LRFN5: variants seen among roughly 807,000 people sequenced by gnomAD.
LRFN5 encodes leucine rich repeat and fibronectin type III domain containing 5.
LRFN5 carries 24 observed loss-of-function variants against 45.6 expected under a neutral mutation model. The observed-to-expected ratio is 0.53, with a 90% confidence interval of 0.38 to 0.74. The LOEUF is 0.74. LRFN5 is among the 30% of genes least tolerant of loss of function. LRFN5 has a pLI of 0.00. For synonymous variants in LRFN5, 340 were observed against 313.8 expected, an observed-to-expected ratio of 1.08 and a Z score of -0.88; for missense variants, 776 against 861.5, an observed-to-expected ratio of 0.90 and a Z score of 1.24.
Position 41,887,084 on chromosome 14 carries a change from T to C in LRFN5, c.459T>C (p.Asp153=). The change falls in exon 3 of 6, where the codon GAT becomes GAC. Residue 153 remains aspartate (D), a synonymous_variant. Transcript: ENST00000298119. This position sits in a 1 kb window ranked among gnomAD's most constrained non-coding sequence, Gnocchi z 4.8. ...FDDVFALEEL[D]LSYNNLETIP... ...ATGTCTTCGCCCTTGAGGAGCTGGA[T>C]CTGTCCTATAATAATCTAGAAACCA... 1 of 1,614,036 alleles carries C rather than the reference T, an allele frequency of 6.2e-7. No homozygotes were observed. The highest frequency in any genetic ancestry group is 8.5e-7 in the Non-Finnish European group (1 of 1,180,024).
At chr14:41,717,857 T>A (rs1455202046) in intron 1 of LRFN5, among the ~76,000 whole-genome samples, 8 of 152,138 alleles carry the variant, frequency 5.3e-5, no homozygotes, top group Non-Finnish European at 1.2e-4. Flanking sequence ...CTTATTTATT[T>A]TAGAAAAGGG....
At chr14:41,676,831 C>T (rs980244063) in intron 1 of LRFN5, among the ~76,000 whole-genome samples, 3 of 152,194 alleles carry the variant, frequency 2.0e-5, no homozygotes, top group Admixed American at 6.5e-5. Context: ...TTTAAAATAT[C>T]ATCACAGACA....
intron 1 of LRFN5, among the ~76,000 whole-genome samples, chr14:41,682,484 G>T (rs1881946238): frequency 6.6e-6 from 1 of 151,764 alleles, no homozygotes; most frequent in African/African-American, 2.4e-5. Flanking sequence ...GATCAGAGCA[G>T]AAATAAATGA....
At chr14:41,896,524 C>G (rs1377723109) in intron 4 of LRFN5, among the ~76,000 whole-genome samples, 1 of 152,118 alleles carries the variant, frequency 6.6e-6, no homozygotes, top group Non-Finnish European at 1.5e-5. Context: ...AATAATAACA[C>G]TGTACCTTAC....
At chr14:41,650,896 A>AGAGAGAGAGAGGGAGGGAGG (rs750337266) in intron 1 of LRFN5, among the ~76,000 whole-genome samples, 1 of 80,910 alleles carries the variant, frequency 1.2e-5, no homozygotes, top group East Asian at 3.4e-4. Context: ...AGAGAGAGAG[A>AGAGAGAGAGAGGGAGGGAGG]GAGGGAGGGA....
intron 1 of LRFN5, among the ~76,000 whole-genome samples, chr14:41,670,217 A>G (rs200934072): frequency 0.012 from 1,090 of 88,376 alleles, 7 homozygotes; most frequent in East Asian, 0.031. Context: ...GTGTGTGTGT[A>G]TATATATGTA....
At chr14:41,734,598 CT>C (rs143405635) in intron 1 of LRFN5, among the ~76,000 whole-genome samples, 2 of 148,352 alleles carry the variant, frequency 1.3e-5, no homozygotes, top group Admixed American at 6.8e-5. Context: ...GGAGTCTTGT[CT>C]TTTTTTTTAA....
In LRFN5 at chr14:41,887,129, G is replaced by A. The variant is rs1890602343; in HGVS notation, c.504G>A (p.Glu168=). ...NLETIPWDAV[E]KMVSLHTLSL... ...AAACCATTCCTTGGGATGCTGTTGA[G>A]AAGATGGTTAGCTTGCATACCCTTA... Residue 168 remains glutamate, a synonymous_variant, in exon 3 of 6, where the codon GAG becomes GAA. Coordinates refer to ENST00000298119, the MANE Select transcript of LRFN5 (RefSeq NM_152447.5). The surrounding 1 kb of genome is among the most constrained non-coding windows in gnomAD (Gnocchi z 4.8). 1.9e-6 allele frequency: 3 copies of A among 1,613,922 alleles called. No homozygotes were observed. The African/African-American group carries it at 4.0e-5, about 22-fold the overall frequency.
intron 2 of LRFN5, among the ~76,000 whole-genome samples, chr14:41,797,643 T>C (rs1358307261): frequency 1.3e-5 from 2 of 151,602 alleles, no homozygotes; most frequent in African/African-American, 2.4e-5. Context: ...ATTTAAATTA[T>C]ATTATATAAA....
chr14:41,724,967 T>C (rs73305587), intron 1 of LRFN5, among the ~76,000 whole-genome samples: 6,817 of 152,258 alleles, frequency 0.045, 339 homozygotes, highest in African/African-American at 0.12. Context: ...TGTCAGATTA[T>C]CCTTTTTTTT....
At chr14:41,722,037 A>G (rs1883737414) in intron 1 of LRFN5, among the ~76,000 whole-genome samples, 1 of 152,016 alleles carries the variant, frequency 6.6e-6, no homozygotes, top group Non-Finnish European at 1.5e-5. Context: ...ACATAATTCT[A>G]TATTTTTTGA....
intron 1 of LRFN5, among the ~76,000 whole-genome samples, chr14:41,756,830 G>C (rs920614510): frequency 6.6e-6 from 1 of 152,022 alleles, no homozygotes; most frequent in African/African-American, 2.4e-5. Context: ...GAGGAGAGGT[G>C]CTCTGATTTT....
chr14:41,822,308 T>A (rs1161177540), intron 2 of LRFN5, among the ~76,000 whole-genome samples: 1 of 152,054 alleles, frequency 6.6e-6, no homozygotes, highest in African/African-American at 2.4e-5. Flanking sequence ...CTATAAACTC[T>A]TAGCACTGTT....
intron 1 of LRFN5, among the ~76,000 whole-genome samples, chr14:41,753,464 CT>C (rs1885230068): frequency 6.6e-6 from 1 of 152,016 alleles, no homozygotes; most frequent in African/African-American, 2.4e-5. Flanking sequence ...TGTAGTTCTC[CT>C]TGAAGAGGTC....
At chr14:41,744,487 G>A (rs1326311693) in intron 1 of LRFN5, among the ~76,000 whole-genome samples, 1 of 152,062 alleles carries the variant, frequency 6.6e-6, no homozygotes, top group African/African-American at 2.4e-5. Flanking sequence ...TAATATATAT[G>A]GAAAACAAAT....
chr14:41,674,819 G>C (rs563400860), intron 1 of LRFN5, among the ~76,000 whole-genome samples: 6 of 150,846 alleles, frequency 4.0e-5, no homozygotes, highest in Non-Finnish European at 5.9e-5. Context: ...GGCGGCTGCC[G>C]GGAGGAGGGG....
intron 4 of LRFN5, among the ~76,000 whole-genome samples, chr14:41,897,981 G>A (rs748159678): frequency 4.6e-5 from 7 of 151,920 alleles, no homozygotes; most frequent in South Asian, 2.1e-4. Flanking sequence ...GAAATATACC[G>A]TGTTGGCTAT....
chr14:41,784,033 G>A (rs1178777985), intron 2 of LRFN5, among the ~76,000 whole-genome samples: 1 of 152,038 alleles, frequency 6.6e-6, no homozygotes, highest in Non-Finnish European at 1.5e-5. Context: ...TGGCCTATAT[G>A]TAAGGAGCTG....
At chr14:41,894,855 T>G in intron 4 of LRFN5, 2 of 982,074 alleles carry the variant, frequency 2.0e-6, no homozygotes, top group Non-Finnish European at 2.4e-6. Context: ...GTCCTTTTCT[T>G]GTTTTGCTTT....
Sources: gnomAD v4.1 joint callset for allele counts (sites outside exome capture counted in the v4.1 genomes callset) on GRCh38, gnomAD v4.1.1 for gene constraint, Gnocchi (gnomAD v3.1) non-coding constraint, MANE v1.5 for transcripts, NCBI Gene and HGNC (gene_info 2026-07-23, HGNC 2026-07-21) for gene names.